The following MTHFS variants were observed in gnomAD, a reference collection of about 807,000 sequenced individuals.
MTHFS encodes 5-formyltetrahydrofolate cyclo-ligase.
Under a neutral mutation model 12.7 loss-of-function variants are expected in MTHFS, and 7 were observed. The ratio of observed to expected loss-of-function variants is 0.55; its 90% CI spans 0.31 to 1.03. The LOEUF (loss-of-function observed/expected upper bound fraction) is 1.03, where lower values mean the gene tolerates loss of function less well. MTHFS is among the 50% of genes least tolerant of loss of function. The pLI is 0.05. For missense variants in MTHFS, 252 were observed against 258.1 expected (o/e 0.98, Z 0.16); for synonymous variants, 100 against 97.1 (o/e 1.03, Z -0.18).
intron 2 of MTHFS, among the ~76,000 whole-genome samples, chr15:79,856,838 A>G (rs1238133532): frequency 6.6e-6 from 1 of 152,172 alleles, no homozygotes. Context: ...AGGGCAGTCC[A>G]TCCTATGCTC....
intron 2 of MTHFS, among the ~76,000 whole-genome samples, chr15:79,866,798 A>T (rs976473221): frequency 1.3e-5 from 2 of 152,084 alleles, no homozygotes. Flanking sequence ...CAAAAACACA[A>T]AAAAGTTAGC....
intron 2 of MTHFS, among the ~76,000 whole-genome samples, chr15:79,861,589 G>A (rs113773044): frequency 6.6e-6 from 1 of 152,206 alleles, no homozygotes; most frequent in South Asian, 2.1e-4. Context: ...ATGGATAGAT[G>A]TTGATCCCAT....
At position 79,844,125 on chromosome 15, in the gene MTHFS, C is replaced by T. The variant is rs2033567863; in HGVS notation, c.*1085G>A. The T allele has an allele frequency of 6.6e-6, 1 of 152,116 alleles. No homozygotes were observed. The highest frequency in any genetic ancestry group is 1.5e-5 in the Non-Finnish European group (1 of 68,036). The allele number at this position is 152,116 out of a possible 1,614,324, so 9.4% of individuals were successfully genotyped here. On this transcript the variant is annotated 3_prime_UTR_variant, in exon 3 of 3. Transcript: ENST00000258874. ...TACAACAGAAGCCATCTGTTTGCTA[C>T]CCAAGAGGCTCTGAACAGCCACCGG...
chr15:79,854,291 T>C (rs1329572391), intron 2 of MTHFS, among the ~76,000 whole-genome samples: 1 of 152,186 alleles, frequency 6.6e-6, no homozygotes, highest in Non-Finnish European at 1.5e-5. Flanking sequence ...CTGGGGTAGC[T>C]GACTGTACCA....
At chr15:79,884,559 A>G (rs1003127170) in intron 2 of MTHFS, among the ~76,000 whole-genome samples, 1 of 152,216 alleles carries the variant, frequency 6.6e-6, no homozygotes, top group Non-Finnish European at 1.5e-5. Context: ...AAAATTGTAG[A>G]CTAAGAATTC....
chr15:79,852,275 T>G (rs975579120), intron 2 of MTHFS, among the ~76,000 whole-genome samples: 5 of 152,198 alleles, frequency 3.3e-5, no homozygotes, highest in African/African-American at 9.6e-5. Context: ...TGAATCACTC[T>G]TCATATAAAA....
Position 79,896,956 on chromosome 15 carries a change from C to T in MTHFS, c.33G>A (p.Arg11=). 2 of 1,535,900 alleles carry T rather than the reference C, an allele frequency of 1.3e-6. No homozygotes were observed. The highest frequency in any genetic ancestry group is 1.7e-6 in the Non-Finnish European group (2 of 1,145,376). ...GCTGCTTCAGCTCTCCCCGCAGGCT[C>T]CGCTTGGCGCTGCTCACCGCTGCCG... is the stretch of plus-strand genomic sequence containing the variant. MAAAAVSSAK[R]SLRGELKQRL... The change falls in exon 1 of 3, where the codon CGG becomes CGA. Residue 11 remains arginine (R), a synonymous_variant. Coordinates refer to ENST00000258874, the MANE Select transcript of MTHFS (RefSeq NM_006441.4).
At chr15:79,896,339 T>C (rs1256514511) in intron 1 of MTHFS, among the ~76,000 whole-genome samples, 1 of 152,266 alleles carries the variant, frequency 6.6e-6, no homozygotes, top group African/African-American at 2.4e-5. Flanking sequence ...CTCTGAGTTC[T>C]GCCCTTTGGC....
intron 2 of MTHFS, among the ~76,000 whole-genome samples, chr15:79,867,485 T>C (rs112876274): frequency 0.12 from 4,836 of 41,738 alleles, 272 homozygotes; most frequent in African/African-American, 0.22. Flanking sequence ...TAAGTAGATA[T>C]TTTTCTGTAA....
intron 2 of MTHFS, among the ~76,000 whole-genome samples, chr15:79,855,525 T>A (rs1385313233): frequency 1.3e-5 from 2 of 152,138 alleles, no homozygotes; most frequent in African/African-American, 2.4e-5. Flanking sequence ...TTTATTAACT[T>A]TCATTTTAGG....
chr15:79,866,817 G>C (rs1385599827), intron 2 of MTHFS, among the ~76,000 whole-genome samples: 5 of 152,062 alleles, frequency 3.3e-5, no homozygotes, highest in Admixed American at 3.3e-4. Context: ...GCTGGGCATG[G>C]TGGTGGCAGG....
At chr15:79,875,316 A>G (rs2034175333) in intron 2 of MTHFS, among the ~76,000 whole-genome samples, 1 of 152,090 alleles carries the variant, frequency 6.6e-6, no homozygotes, top group Non-Finnish European at 1.5e-5. Context: ...GATCCTCATA[A>G]GATTAACAGC....
At chr15:79,880,237 T>C (rs759027678) in intron 2 of MTHFS, among the ~76,000 whole-genome samples, 5 of 152,034 alleles carry the variant, frequency 3.3e-5, no homozygotes, top group South Asian at 2.1e-4. Context: ...GCCTGGCTAA[T>C]TCTTTTTCTT....
At chr15:79,860,400 A>C (rs2033892417) in intron 2 of MTHFS, among the ~76,000 whole-genome samples, 4 of 152,088 alleles carry the variant, frequency 2.6e-5, no homozygotes, top group Admixed American at 2.6e-4. Context: ...AAAAAAAAAA[A>C]ATGGATACAA....
intron 1 of MTHFS, among the ~76,000 whole-genome samples, chr15:79,895,549 T>C (rs1458907605): frequency 6.6e-6 from 1 of 152,214 alleles, no homozygotes; most frequent in African/African-American, 2.4e-5. Flanking sequence ...TGTGAATGAA[T>C]TAGCTAAATT....
At chr15:79,891,886 T>G (rs566062810) in intron 1 of MTHFS, among the ~76,000 whole-genome samples, 82 of 141,070 alleles carry the variant, frequency 5.8e-4, no homozygotes, top group Admixed American at 8.7e-4. Context: ...AAGGATCACT[T>G]GAACCCAGGA....
At chr15:79,889,821 A>G (rs1479473141) in intron 1 of MTHFS, among the ~76,000 whole-genome samples, 1 of 152,162 alleles carries the variant, frequency 6.6e-6, no homozygotes, top group African/African-American at 2.4e-5. Context: ...AGCCCAACGC[A>G]AGCCCTAACT....
At chr15:79,882,161 T>C (rs937793961) in intron 2 of MTHFS, among the ~76,000 whole-genome samples, 2 of 152,240 alleles carry the variant, frequency 1.3e-5, no homozygotes, top group Non-Finnish European at 2.9e-5. Flanking sequence ...TGTTAAAGGT[T>C]TGGAAACACT....
chr15:79,889,682 T>C (rs1417136766), intron 1 of MTHFS, among the ~76,000 whole-genome samples: 1 of 152,166 alleles, frequency 6.6e-6, no homozygotes, highest in Admixed American at 6.5e-5. Context: ...TCCATTTTAG[T>C]AGTCTTCGGT....
Sources: gnomAD v4.1 joint callset for allele counts (sites outside exome capture counted in the v4.1 genomes callset) on GRCh38, gnomAD v4.1.1 for gene constraint, MANE v1.5 for transcripts, NCBI Gene and HGNC (gene_info 2026-07-23, HGNC 2026-07-21) for gene names.